Variants in LEMD1 observed in about 807,000 individuals in gnomAD.
The protein encoded by LEMD1 is LEM domain-containing protein 1.
A neutral mutation model predicts 17.4 loss-of-function variants in LEMD1; 18 were observed. The ratio of observed to expected loss-of-function variants is 1.04; its 90% CI spans 0.72 to 1.54. The LOEUF is 1.54. LEMD1 is among the 40% of genes most tolerant of loss of function. The pLI is 0.00. For synonymous variants in LEMD1, 88 were observed against 77.8 expected (o/e 1.13, Z -0.69); for missense variants, 195 against 210.4 (o/e 0.93, Z 0.45).
At chr1:205,432,157 CAGG>C (rs1251994796) in intron 1 of LEMD1, among the ~76,000 whole-genome samples, 3 of 152,032 alleles carry the variant, frequency 2.0e-5, no homozygotes, top group African/African-American at 4.8e-5. Flanking sequence ...GAAAAGGTAG[CAGG>C]AGAAGAGTTA....
At chr1:205,384,876 T>C (rs1311431891) in intron 4 of LEMD1, among the ~76,000 whole-genome samples, 5 of 151,922 alleles carry the variant, frequency 3.3e-5, no homozygotes, top group South Asian at 2.1e-4. Flanking sequence ...GCTAATTCTA[T>C]TGATCAAGCG....
chr1:205,426,498 T>G (rs549806226), upstream of LEMD1, among the ~76,000 whole-genome samples: 2 of 152,186 alleles, frequency 1.3e-5, no homozygotes, highest in African/African-American at 2.4e-5. Context: ...GGGGGTGGTG[T>G]TGTTCAGGGA....
chr1:205,419,667 T>C (rs1665869547), intron 2 of LEMD1, among the ~76,000 whole-genome samples: 1 of 152,204 alleles, frequency 6.6e-6, no homozygotes, highest in Non-Finnish European at 1.5e-5. Context: ...GGTTTCGCCA[T>C]GTTGGCCAGG....
At chr1:205,418,290 G>GA (rs1665790934) in intron 3 of LEMD1, among the ~76,000 whole-genome samples, 1 of 152,176 alleles carries the variant, frequency 6.6e-6, no homozygotes, top group Non-Finnish European at 1.5e-5. Context: ...AAATGCCTTG[G>GA]AATGTATTGT....
chr1:205,392,537 G>A (rs987393334), intron 4 of LEMD1, among the ~76,000 whole-genome samples: 7 of 150,920 alleles, frequency 4.6e-5, no homozygotes, highest in Non-Finnish European at 7.4e-5. Context: ...GTGAAATCCC[G>A]CCTTAAAAAA....
intron 1 of LEMD1, among the ~76,000 whole-genome samples, chr1:205,449,381 C>T (rs570485298): frequency 3.9e-5 from 6 of 152,136 alleles, no homozygotes; most frequent in Non-Finnish European, 5.9e-5. Flanking sequence ...GGCCTCAGAC[C>T]TCTCCCAGGG....
intron 1 of LEMD1, among the ~76,000 whole-genome samples, chr1:205,429,419 C>T (rs1666097193): frequency 6.6e-6 from 1 of 152,144 alleles, no homozygotes; most frequent in Non-Finnish European, 1.5e-5. Context: ...CATTTCAATG[C>T]CGCATTGTGT....
At chr1:205,431,875 C>G (rs192599519) in intron 1 of LEMD1, among the ~76,000 whole-genome samples, 103 of 152,226 alleles carry the variant, frequency 6.8e-4, no homozygotes, top group South Asian at 1.5e-3. Flanking sequence ...TGCCACCACA[C>G]CCAGCTAATT....
chr1:205,388,477 C>T (rs774383235), intron 4 of LEMD1, among the ~76,000 whole-genome samples: 2 of 152,174 alleles, frequency 1.3e-5, no homozygotes, highest in Non-Finnish European at 2.9e-5. Flanking sequence ...GTGTGAGCCA[C>T]CATGCCTGGC....
rs1183339763 is a variant in LEMD1 at position 205,441,858 on chromosome 1, G to A, written c.-39+8010C>T. The stretch of plus-strand genomic sequence containing the variant: ...GGCTGGATCTGCCCCAGCTGGACAC[G>A]CTGTCCCCCACCTCTGGCTGACCCG... On this transcript the variant is annotated intron_variant, in intron 1 of 3. Transcript: ENST00000367154. This position sits in a 1 kb window ranked among gnomAD's most constrained non-coding sequence, Gnocchi z 4.3. Among the ~76,000 whole-genome samples, 5 of 152,184 alleles carry A rather than the reference G, an allele frequency of 3.3e-5. No individual in the cohort carries two copies. The highest frequency in any genetic ancestry group is 2.1e-4 in the South Asian group (1 of 4,822).
chr1:205,395,394 A>C (rs1188265000), intron 4 of LEMD1, among the ~76,000 whole-genome samples: 11 of 152,114 alleles, frequency 7.2e-5, no homozygotes, highest in Admixed American at 7.2e-4. Context: ...TGGGAGTTTG[A>C]GACCAGCCTG....
Sources: gnomAD v4.1 joint callset for allele counts (sites outside exome capture counted in the v4.1 genomes callset) on GRCh38, gnomAD v4.1.1 for gene constraint, Gnocchi (gnomAD v3.1) non-coding constraint, MANE v1.5 for transcripts, NCBI Gene and HGNC (gene_info 2026-07-23, HGNC 2026-07-21) for gene names.